The following CNTRL variants were observed in gnomAD, a reference collection of about 807,000 sequenced individuals.
CNTRL encodes the protein 110 kDa centrosomal protein.
A neutral mutation model predicts 303.7 loss-of-function variants in CNTRL; 233 were observed. The ratio of observed to expected loss-of-function variants is 0.77; its 90% CI spans 0.69 to 0.86. The LOEUF (loss-of-function observed/expected upper bound fraction) is 0.86, where lower values mean the gene tolerates loss of function less well. CNTRL is among the 40% of genes least tolerant of loss of function. The pLI, the probability that CNTRL is intolerant of heterozygous loss-of-function variation, is 0.00. For synonymous variants in CNTRL, 900 were observed against 922.2 expected, an observed-to-expected ratio of 0.98 and a Z score of 0.44; for missense variants, 2,524 against 2,650.6, an observed-to-expected ratio of 0.95 and a Z score of 1.05.
intron 13 of CNTRL, 137 bp downstream of exon 13, chr9:121,124,221 C>T: frequency 2.6e-6 from 2 of 772,846 alleles, no homozygotes; most frequent in South Asian, 5.1e-5. Flanking sequence ...GAAATATTTA[C>T]AGGATACCCA....
intron 9 of CNTRL, 27 bp from the exon 10 acceptor site, chr9:121,113,475 A>G: frequency 7.6e-7 from 1 of 1,318,660 alleles, no homozygotes; most frequent in Non-Finnish European, 1.1e-6. Context: ...CACTTATTAA[A>G]CCATAAATCT....
At chr9:121,126,847 T>C (rs1269559967) in intron 14 of CNTRL, among the ~76,000 whole-genome samples, 1 of 151,100 alleles carries the variant, frequency 6.6e-6, no homozygotes, top group Non-Finnish European at 1.5e-5. Flanking sequence ...TTGAGATGAA[T>C]TTTCGCTCTT....
intron 34 of CNTRL, among the ~76,000 whole-genome samples, chr9:121,163,398 T>C (rs2052947014): frequency 6.6e-6 from 1 of 150,736 alleles, no homozygotes; most frequent in African/African-American, 2.4e-5. Flanking sequence ...AAAACCTAAA[T>C]ATAAAACTTC....
At chr9:121,099,980 A>C (rs1300884351) in intron 7 of CNTRL, among the ~76,000 whole-genome samples, 1 of 152,140 alleles carries the variant, frequency 6.6e-6, no homozygotes, top group African/African-American at 2.4e-5. Flanking sequence ...TTTGGAAAAC[A>C]CTCTTCAGGA....
At chr9:121,109,207 ATAT>A (rs1460935451) in intron 8 of CNTRL, among the ~76,000 whole-genome samples, 1 of 152,188 alleles carries the variant, frequency 6.6e-6, no homozygotes, top group East Asian at 1.9e-4. Flanking sequence ...ATGCTAATAA[ATAT>A]TATATTGTTT....
At chr9:121,155,813 G>A (rs928962075) in intron 27 of CNTRL, among the ~76,000 whole-genome samples, 3 of 152,180 alleles carry the variant, frequency 2.0e-5, no homozygotes, top group African/African-American at 7.2e-5. Flanking sequence ...CTGGCCCAGA[G>A]TCACATAGCC....
chr9:121,109,660 G>A (rs1028171014), intron 8 of CNTRL, among the ~76,000 whole-genome samples: 4 of 151,964 alleles, frequency 2.6e-5, no homozygotes, highest in East Asian at 1.9e-4. Context: ...TGGAATTACC[G>A]TGTAATTTGC....
At chr9:121,108,897 AT>A (rs2049610119) in intron 8 of CNTRL, among the ~76,000 whole-genome samples, 1 of 152,216 alleles carries the variant, frequency 6.6e-6, no homozygotes, top group Admixed American at 6.5e-5. Context: ...CATTCCCCAG[AT>A]ATTAATACTT....
chr9:121,140,168 T>C (rs774334916), intron 16 of CNTRL, among the ~76,000 whole-genome samples: 5 of 152,212 alleles, frequency 3.3e-5, no homozygotes, highest in Non-Finnish European at 7.3e-5. Flanking sequence ...CCGAGCATTG[T>C]ATGTGGCCCA....
chr9:121,154,966 C>T, intron 27 of CNTRL, 53 bp downstream of exon 27: 1 of 1,428,012 alleles, frequency 7.0e-7, no homozygotes, highest in Non-Finnish European at 9.9e-7. Flanking sequence ...AGTCAGCTTA[C>T]TGTCCACCTG....
At chr9:121,138,726 AGAT>A (rs2133931862) in intron 16 of CNTRL, 47 bp downstream of exon 16, 1 of 1,590,392 alleles carries the variant, frequency 6.3e-7, no homozygotes, top group Non-Finnish European at 8.6e-7. Context: ...GAACACCCAA[AGAT>A]GATGATATCT....
At chr9:121,139,360 G>A (rs2051376250) in intron 16 of CNTRL, among the ~76,000 whole-genome samples, 1 of 152,106 alleles carries the variant, frequency 6.6e-6, no homozygotes, top group Non-Finnish European at 1.5e-5. Context: ...TGGCTGAGAT[G>A]GTAGCTGTTA....
chr9:121,101,210 C>A (rs7856514), intron 7 of CNTRL, among the ~76,000 whole-genome samples: 106,122 of 151,980 alleles, frequency 0.7, 37,542 homozygotes, highest in East Asian at 0.96. Context: ...CTCTCAGACC[C>A]CAGTGCAATC....
At chr9:121,124,430 T>A (rs1418396534) in intron 13 of CNTRL, among the ~76,000 whole-genome samples, 2 of 152,198 alleles carry the variant, frequency 1.3e-5, no homozygotes, top group Non-Finnish European at 2.9e-5. Context: ...TGTCTGGTTA[T>A]AAGAAGAAAG....
At chr9:121,100,381 C>G (rs999327909) in intron 7 of CNTRL, among the ~76,000 whole-genome samples, 87 of 152,292 alleles carry the variant, frequency 5.7e-4, no homozygotes, top group Non-Finnish European at 1.0e-3. Flanking sequence ...CACCACCAGG[C>G]CTGCCTTACA....
In CNTRL at chr9:121,090,276, A is replaced by G; in HGVS notation, c.219A>G (p.Gly73=). The G allele has an allele frequency of 6.3e-7, 1 of 1,595,462 alleles. No individual in the cohort carries two copies. The highest frequency in any genetic ancestry group is 8.5e-7 in the Non-Finnish European group (1 of 1,172,394). Residue 73 remains glycine (G), a splice_region_variant and synonymous_variant, in exon 4 of 44, where the codon GGA becomes GGG. Transcript: ENST00000373855. ...NMLLDYQDHK[G]ADSHAGVRYI... ...GATGATCTGTTTCTATAATTTCAGG[A>G]GCTGATTCACATGCAGGAGTTAGAT...
intron 4 of CNTRL, among the ~76,000 whole-genome samples, chr9:121,091,034 TA>T (rs2048547567): frequency 2.0e-5 from 3 of 152,200 alleles, no homozygotes; most frequent in African/African-American, 7.2e-5. Context: ...TTGTGAGACT[TA>T]CTATCACGAG....
At chr9:121,131,097 T>A (rs1024913619) in intron 14 of CNTRL, among the ~76,000 whole-genome samples, 5 of 152,234 alleles carry the variant, frequency 3.3e-5, no homozygotes, top group African/African-American at 1.2e-4. Context: ...CTGAGAAGAA[T>A]GTATATTCTG....
At chr9:121,170,268 T>A (rs1172119760) in intron 39 of CNTRL, among the ~76,000 whole-genome samples, 1 of 152,070 alleles carries the variant, frequency 6.6e-6, no homozygotes, top group African/African-American at 2.4e-5. Context: ...CTCAGCCTCC[T>A]GAGTAGCTGG....
Sources: gnomAD v4.1 joint callset for allele counts (sites outside exome capture counted in the v4.1 genomes callset) on GRCh38, gnomAD v4.1.1 for gene constraint, MANE v1.5 for transcripts, NCBI Gene and HGNC (gene_info 2026-07-23, HGNC 2026-07-21) for gene names.